TNRC6B: variants seen among roughly 807,000 people sequenced by gnomAD.
TNRC6B encodes trinucleotide repeat-containing gene 6B protein.
Under a neutral mutation model 203.6 loss-of-function variants are expected in TNRC6B, and 52 were observed. The observed-to-expected ratio is 0.26, with a 90% CI of 0.20 to 0.32. The LOEUF (loss-of-function observed/expected upper bound fraction) is 0.32. Among genes scored for constraint, TNRC6B ranks in the 10% least tolerant of loss-of-function variants. TNRC6B has a pLI of 1.00. For missense variants in TNRC6B, 1,923 were observed against 2,286.2 expected, an observed-to-expected ratio of 0.84 and a Z score of 3.24; for synonymous variants, 838 against 845.7, an observed-to-expected ratio of 0.99 and a Z score of 0.16.
rs1209888125 is a variant in TNRC6B, at chr22:40,329,049, AAAG to A, written c.*5809_*5811del. 1 of 152,532 alleles carries A rather than the reference AAAG, an allele frequency of 6.6e-6. No individual in the cohort carries two copies. Among genetic ancestry groups the A allele is most frequent in the African/African-American group, 2.4e-5 (1 of 41,464 alleles). 9.4% of individuals were successfully genotyped at this position (152,532 alleles called of 1,614,324 possible). On this transcript the variant is annotated 3_prime_UTR_variant, in exon 23 of 23. Transcript: ENST00000454349. ...AAAAAAAACAAAAACAAAACAAAAAAAAGCCTTGTTCTTTAATTGTGTTTTTCC... is the reference window on the plus strand; with the variant it reads ...AAAAAAAACAAAAACAAAACAAAAAACCTTGTTCTTTAATTGTGTTTTTCC...
chr22:40,323,021 C>G lies in TNRC6B; in HGVS notation c.5282C>G (p.Pro1761Arg), dbSNP rs1385295577. 6.2e-7 allele frequency: 1 copy of G among 1,604,484 alleles called. No individual in the cohort carries two copies. Among genetic ancestry groups the G allele is most frequent in the Non-Finnish European group, 8.5e-7 (1 of 1,175,196 alleles). ...CAGAACCAGTCAGATCCCGTGGGACCTGCTCTGAATCTTTTTGGTGGGTCC... is the reference window on the plus strand; with the variant it reads ...CAGAACCAGTCAGATCCCGTGGGACGTGCTCTGAATCTTTTTGGTGGGTCC... ...TGQNQSDPVG[P>R]ALNLFGGSTG... Residue 1761 changes from proline (P) to arginine (R), a missense_variant, in exon 23 of 23, where the codon CCT (proline) becomes CGT (arginine). By Grantham distance (103) the Pro-to-Arg change is moderately radical (BLOSUM62 -2). Around this residue, in one of 8 missense-constraint regions of TNRC6B, gnomAD observed 126 missense variants for 137.5 expected, o/e 0.92. Transcript: ENST00000454349.
At chr22:40,201,916 C>T (rs1057455111) in intron 1 of TNRC6B, among the ~76,000 whole-genome samples, 8 of 152,024 alleles carry the variant, frequency 5.3e-5, no homozygotes, top group Non-Finnish European at 7.4e-5. Flanking sequence ...TTTCAGAATC[C>T]GAAAAAGTTT....
intron 4 of TNRC6B, 74 bp from the exon 5 acceptor site, chr22:40,264,614 G>A (rs2070444830): frequency 1.4e-6 from 2 of 1,475,028 alleles, no homozygotes; most frequent in Non-Finnish European, 1.8e-6. Flanking sequence ...GAGCTCAAAG[G>A]AGAGCCCCTT....
chr22:40,308,077 T>TA (rs1386130750), intron 15 of TNRC6B, among the ~76,000 whole-genome samples: 2 of 152,136 alleles, frequency 1.3e-5, no homozygotes, highest in Admixed American at 1.3e-4. Context: ...CTTCCCCAAA[T>TA]ACCTCCCTGA....
In TNRC6B at chr22:40,322,992, C is replaced by G. The variant is rs373707657; in HGVS notation, c.5253C>G (p.Thr1751=). Residue 1751 remains threonine (T), a synonymous_variant, in exon 23 of 23, where the codon ACC becomes ACG. Coordinates refer to ENST00000454349, the MANE Select transcript of TNRC6B (RefSeq NM_001162501.2). ...APAAGWQSLE[T]GQNQSDPVGP... is the part of the protein sequence containing the mutation. The stretch of plus-strand genomic sequence containing the variant: ...CTGCGGGGTGGCAGTCGCTGGAGAC[C>G]GGCCAGAACCAGTCAGATCCCGTGG... The G allele has an allele frequency of 5.0e-6, 8 of 1,609,680 alleles. No individual in the cohort carries two copies. In the South Asian group the frequency reaches 6.6e-5, roughly 13 times the overall value.
At chr22:40,291,454 C>T (rs1211409340) in intron 12 of TNRC6B, among the ~76,000 whole-genome samples, 2 of 152,092 alleles carry the variant, frequency 1.3e-5, no homozygotes, top group African/African-American at 4.8e-5. Flanking sequence ...CTTAAAGAAA[C>T]CTCCAACCCA....
intron 11 of TNRC6B, 23 bp from the exon 12 acceptor site, chr22:40,285,622 T>TA (rs777929965): frequency 1.0e-5 from 16 of 1,601,964 alleles, no homozygotes; most frequent in Non-Finnish European, 1.4e-5. Context: ...CAAAAAGCCT[T>TA]ACTGCTGCTT....
chr22:40,271,188 G>C (rs2070558450), intron 6 of TNRC6B, among the ~76,000 whole-genome samples: 1 of 152,234 alleles, frequency 6.6e-6, no homozygotes, highest in Admixed American at 6.5e-5. Context: ...GTGGACTGAG[G>C]CTATGGAATG....
intron 3 of TNRC6B, among the ~76,000 whole-genome samples, chr22:40,136,870 A>G (rs2068604323): frequency 6.6e-6 from 1 of 152,262 alleles, no homozygotes; most frequent in Non-Finnish European, 1.5e-5. Flanking sequence ...CATTATCATT[A>G]TCAAAGGCAG....
chr22:40,212,299 A>C (rs1048984962), intron 1 of TNRC6B, among the ~76,000 whole-genome samples: 1 of 152,322 alleles, frequency 6.6e-6, no homozygotes, highest in African/African-American at 2.4e-5. Flanking sequence ...CCTGTCAGAC[A>C]TGCCCTGCCC....
At chr22:40,258,855 G>A (rs1259174358) in intron 3 of TNRC6B, among the ~76,000 whole-genome samples, 1 of 152,228 alleles carries the variant, frequency 6.6e-6, no homozygotes, top group African/African-American at 2.4e-5. Flanking sequence ...GTTTTAAAGT[G>A]AGTCAAACTG....
At chr22:40,303,046 CTTTT>C (rs756951957) in intron 15 of TNRC6B, among the ~76,000 whole-genome samples, 86 of 90,070 alleles carry the variant, frequency 9.5e-4, no homozygotes, top group Admixed American at 1.3e-3. Flanking sequence ...TCTTCTTCTT[CTTTT>C]TTTTTTTTTT....
intron 1 of TNRC6B, among the ~76,000 whole-genome samples, chr22:40,231,073 G>A (rs989442905): frequency 6.6e-6 from 1 of 151,938 alleles, no homozygotes; most frequent in Non-Finnish European, 1.5e-5. Context: ...ATATATCAGT[G>A]TATTTGTGGA....
At chr22:40,277,008 T>A in intron 7 of TNRC6B, 69 bp from the exon 8 acceptor site, 1 of 1,204,418 alleles carries the variant, frequency 8.3e-7, no homozygotes, top group Admixed American at 2.9e-5. Context: ...ATTTTCAGTC[T>A]GTATTAATAA....
chr22:40,279,910 A>G (rs1333922806), intron 9 of TNRC6B, 85 bp from the exon 10 acceptor site: 2 of 1,229,058 alleles, frequency 1.6e-6, no homozygotes, highest in African/African-American at 1.5e-5. Flanking sequence ...CAGCACCCCC[A>G]TGAGGATAGT....
chr22:40,263,487 G>A (rs764515351), intron 4 of TNRC6B, among the ~76,000 whole-genome samples: 5 of 152,206 alleles, frequency 3.3e-5, no homozygotes, highest in Admixed American at 2.6e-4. Context: ...GGAGACTGGG[G>A]TCCAGTGTGA....
At chr22:40,258,658 C>G (rs1329703655) in intron 3 of TNRC6B, among the ~76,000 whole-genome samples, 1 of 152,068 alleles carries the variant, frequency 6.6e-6, no homozygotes, top group African/African-American at 2.4e-5. Context: ...GACTAATCTC[C>G]TGGGCCAGAG....
chr22:40,129,390 G>C (rs1158698555), intron 3 of TNRC6B, among the ~76,000 whole-genome samples: 1 of 152,228 alleles, frequency 6.6e-6, no homozygotes, highest in Non-Finnish European at 1.5e-5. Context: ...TGGAAGCAGG[G>C]AGCCTGGTGA....
intron 1 of TNRC6B, among the ~76,000 whole-genome samples, chr22:40,062,168 A>G (rs2067859043): frequency 6.6e-6 from 1 of 152,194 alleles, no homozygotes; most frequent in Non-Finnish European, 1.5e-5. Context: ...CGTATGTTAT[A>G]AATCCCACAA....
Sources: gnomAD v4.1 joint callset for allele counts (sites outside exome capture counted in the v4.1 genomes callset) on GRCh38, gnomAD v4.1.1 for gene constraint, gnomAD v4.1.1 regional missense constraint, MANE v1.5 for transcripts, NCBI Gene and HGNC (gene_info 2026-07-23, HGNC 2026-07-21) for gene names.